The following DCHS2 variants were observed in gnomAD, a reference collection of about 807,000 sequenced individuals.
DCHS2 encodes protocadherin-23.
In DCHS2, 142 loss-of-function variants were observed where a neutral mutation model predicts 182.4. That is an observed-to-expected ratio of 0.78 (90% CI 0.68 to 0.89). The LOEUF is 0.89. Among genes scored for constraint, DCHS2 ranks in the 40% least tolerant of loss-of-function variants. The probability of loss-of-function intolerance (pLI) is 0.00; values close to 1 mark genes in which losing one functional copy is unlikely to be tolerated. For synonymous variants in DCHS2, 1,740 were observed against 1,663.3 expected (o/e 1.05, Z -1.12); for missense variants, 4,319 against 4,198.6 (o/e 1.03, Z -0.79).
intron 1 of DCHS2, among the ~76,000 whole-genome samples, chr4:154,481,281 A>G (rs552834375): frequency 2.0e-5 from 3 of 152,290 alleles, no homozygotes; most frequent in East Asian, 3.9e-4. Context: ...ATTTTATTGG[A>G]GACAGGGTCT....
chr4:154,422,026 G>A lies in DCHS2; in HGVS notation c.2053-44582C>T, dbSNP rs145870750. 2.7e-3 allele frequency among the ~76,000 whole-genome samples: 407 copies of A among 152,192 alleles called. 1 individual carries two copies. The highest frequency in any genetic ancestry group is 9.4e-3 in the African/African-American group (389 of 41,520). ...AGGTTGCCACTCTTTACTTCATGTTGGAAAGTTTCTTCGCCTAATTTCATT... is the reference window on the plus strand; with the variant it reads ...AGGTTGCCACTCTTTACTTCATGTTAGAAAGTTTCTTCGCCTAATTTCATT... On this transcript the variant is annotated intron_variant, in intron 1 of 19. Coordinates refer to ENST00000357232, the MANE Select transcript of DCHS2 (RefSeq NM_001358235.2).
chr4:154,475,523 T>C (rs895296670), intron 1 of DCHS2, among the ~76,000 whole-genome samples: 2 of 152,192 alleles, frequency 1.3e-5, no homozygotes, highest in African/African-American at 4.8e-5. Flanking sequence ...AGGATTAGGA[T>C]GTATTATTTA....
chr4:154,236,289 A>G lies in DCHS2; in HGVS notation c.8363T>C (p.Ile2788Thr), dbSNP rs1469329941. Residue 2788 changes from isoleucine to threonine, a missense_variant, in exon 20 of 20, where the codon ATA (isoleucine) becomes ACA (threonine). Transcript: ENST00000357232. ...AAAATCCAGAGCATTTATAGAGCAT[A>G]TGGTAGAGGAAATAGGCAGATTTTC... ...VPENLPISST[I>T]CSINALDFDA... The G allele has an allele frequency of 1.2e-6, 2 of 1,613,966 alleles. No individual in the cohort carries two copies. The highest frequency in any genetic ancestry group is 1.7e-6 in the Non-Finnish European group (2 of 1,179,976).
intron 7 of DCHS2, among the ~76,000 whole-genome samples, chr4:154,323,636 C>T (rs1167274628): frequency 6.6e-6 from 1 of 152,170 alleles, no homozygotes; most frequent in Non-Finnish European, 1.5e-5. Context: ...TTTTTGAGTA[C>T]TGACATGATG....
intron 1 of DCHS2, among the ~76,000 whole-genome samples, chr4:154,409,236 G>A (rs1732523622): frequency 6.6e-6 from 1 of 152,064 alleles, no homozygotes; most frequent in African/African-American, 2.4e-5. Context: ...GCCTCCCAGG[G>A]CCCAAGTGAC....
chr4:154,490,801 G>A lies in DCHS2; in HGVS notation c.555C>T (p.Ala185=), dbSNP rs537489691. The change falls in exon 1 of 20, where the codon GCC becomes GCT. Residue 185 remains alanine (A), a synonymous_variant. Transcript: ENST00000357232. ...GATCGTGGGCAACTGGCAGGCGGAA[G>A]GCGGTCCCTGGCGGGCTGAGCTCGG... The part of the protein sequence containing the change: ...DVSELSPPGT[A]FRLPVAHDPD... The A allele has an allele frequency of 4.2e-4, 657 of 1,551,574 alleles. No homozygotes were observed. Among genetic ancestry groups the A allele is most frequent in the Non-Finnish European group, 5.4e-4 (624 of 1,146,900 alleles).
At chr4:154,377,526 G>A in intron 1 of DCHS2, 82 bp from the exon 2 acceptor site, 3 of 1,158,784 alleles carry the variant, frequency 2.6e-6, no homozygotes, top group Non-Finnish European at 3.7e-6. Flanking sequence ...AAAACAATTT[G>A]CACAACCACA....
At chr4:154,275,919 C>G (rs553787903) in intron 13 of DCHS2, among the ~76,000 whole-genome samples, 1 of 151,944 alleles carries the variant, frequency 6.6e-6, no homozygotes, top group East Asian at 1.9e-4. Flanking sequence ...TTCATAATAT[C>G]AAATGGAATT....
chr4:154,431,597 T>C (rs1733561697), intron 1 of DCHS2, among the ~76,000 whole-genome samples: 1 of 152,208 alleles, frequency 6.6e-6, no homozygotes, highest in Non-Finnish European at 1.5e-5. Context: ...ATATATTTTC[T>C]CGGAATTCTC....
chr4:154,375,733 C>G (rs924361032), intron 2 of DCHS2, among the ~76,000 whole-genome samples: 1 of 151,818 alleles, frequency 6.6e-6, no homozygotes, highest in Non-Finnish European at 1.5e-5. Context: ...CTGGTGGGAG[C>G]GCAATTCTAC....
intron 3 of DCHS2, among the ~76,000 whole-genome samples, chr4:154,347,986 T>C (rs144629996): frequency 2.6e-5 from 4 of 152,156 alleles, no homozygotes; most frequent in South Asian, 2.1e-4. Flanking sequence ...CAGACTCTTA[T>C]AGTTTGCATG....
intron 1 of DCHS2, among the ~76,000 whole-genome samples, chr4:154,432,869 T>G (rs1733614826): frequency 6.6e-6 from 1 of 152,084 alleles, no homozygotes; most frequent in Non-Finnish European, 1.5e-5. Flanking sequence ...GGGTGTCTAC[T>G]CCCTAGCTCC....
chr4:154,293,323 G>T (rs574307080), intron 13 of DCHS2, among the ~76,000 whole-genome samples: 1 of 152,148 alleles, frequency 6.6e-6, no homozygotes, highest in South Asian at 2.1e-4. Flanking sequence ...CCGGATTACA[G>T]GCAAGCGTCA....
intron 1 of DCHS2, among the ~76,000 whole-genome samples, chr4:154,441,196 A>T (rs1188518560): frequency 6.6e-6 from 1 of 152,200 alleles, no homozygotes; most frequent in Non-Finnish European, 1.5e-5. Context: ...GCTAAATGGA[A>T]ATTGGTTTGG....
chr4:154,424,898 A>G (rs1322704255), intron 1 of DCHS2, among the ~76,000 whole-genome samples: 1 of 152,242 alleles, frequency 6.6e-6, no homozygotes, highest in Admixed American at 6.5e-5. Flanking sequence ...TTCCCATGAT[A>G]ATGACATCTG....
chr4:154,341,106 C>T (rs552819659), intron 3 of DCHS2, among the ~76,000 whole-genome samples: 5 of 152,112 alleles, frequency 3.3e-5, no homozygotes, highest in South Asian at 2.1e-4. Context: ...CGGTGGCTCA[C>T]GCTTGTAATC....
rs575742067 is a variant in DCHS2, at chr4:154,489,388, C to G, written c.1968G>C (p.Val656=). The G allele has an allele frequency of 3.4e-5, 53 of 1,551,574 alleles. No homozygotes were observed. Among genetic ancestry groups the G allele is most frequent in the Non-Finnish European group, 4.4e-5 (50 of 1,146,882 alleles). Residue 656 remains valine, a synonymous_variant, in exon 1 of 20, where the codon GTG becomes GTC. Coordinates refer to ENST00000357232, the MANE Select transcript of DCHS2 (RefSeq NM_001358235.2). ...TCCAGAAGATGGGCTCATTGTCATT[C>G]ACATCATCTACGGTGATGCTCACCA... ...TCLVSITVDD[V]NDNEPIFWRQ... is the part of the protein sequence containing the mutation.
chr4:154,422,667 T>C (rs1352666191), intron 1 of DCHS2, among the ~76,000 whole-genome samples: 1 of 152,150 alleles, frequency 6.6e-6, no homozygotes, highest in African/African-American at 2.4e-5. Context: ...AAAATCAAAG[T>C]CTTCTATGTG....
chr4:154,342,637 T>C (rs560829959), intron 3 of DCHS2, among the ~76,000 whole-genome samples: 1 of 152,310 alleles, frequency 6.6e-6, no homozygotes, highest in East Asian at 1.9e-4. Context: ...CAATTCCTCA[T>C]TAGTTTAAGT....
Sources: allele counts gnomAD v4.1 joint callset (sites outside exome capture counted in the v4.1 genomes callset), GRCh38; gene constraint gnomAD v4.1.1; transcripts MANE v1.5; gene names NCBI Gene and HGNC (gene_info 2026-07-23, HGNC 2026-07-21).